The following LYPLAL1 variants were observed in gnomAD, a reference collection of about 807,000 sequenced individuals.
LYPLAL1 encodes lysophospholipase like 1.
A neutral mutation model predicts 19.7 loss-of-function variants in LYPLAL1; 23 were observed. That is an observed-to-expected ratio of 1.17 (90% confidence interval 0.84 to 1.65). The LOEUF is 1.65. Among genes scored for constraint, LYPLAL1 ranks in the 40% most tolerant of loss-of-function variants. LYPLAL1 has a pLI of 0.00. For missense variants in LYPLAL1, 355 were observed against 279.4 expected (o/e 1.27, Z -1.93); for synonymous variants, 119 against 96.3 (o/e 1.24, Z -1.38).
At chr1:219,223,328 A>G in the LYPLAL1 span, 5 of 152,126 alleles carry the variant, frequency 3.3e-5, no homozygotes, top group South Asian at 2.1e-4. Context: ...CCAGTAAACC[A>G]TACAATTTGA....
the LYPLAL1 span, among the ~76,000 whole-genome samples, chr1:219,389,757 T>C: frequency 6.6e-6 from 1 of 152,204 alleles, no homozygotes; most frequent in Non-Finnish European, 1.5e-5. Flanking sequence ...GGCGTGAAAG[T>C]AATTTCGGTT....
the LYPLAL1 span, among the ~76,000 whole-genome samples, chr1:219,285,697 G>A: frequency 3.9e-5 from 6 of 152,292 alleles, no homozygotes; most frequent in South Asian, 2.1e-4. Flanking sequence ...TAGATCAGTC[G>A]TTGCCTTAGG....
the LYPLAL1 span, among the ~76,000 whole-genome samples, chr1:219,251,116 A>G: frequency 6.6e-6 from 1 of 151,698 alleles, no homozygotes; most frequent in Non-Finnish European, 1.5e-5. Flanking sequence ...TCCTTTGCCC[A>G]CTTTTTAATG....
the LYPLAL1 span, among the ~76,000 whole-genome samples, chr1:219,243,051 G>A: frequency 6.6e-6 from 1 of 152,130 alleles, no homozygotes; most frequent in African/African-American, 2.4e-5. Context: ...GGGAGTGCCA[G>A]CCTCTTGGAT....
rs1299966201 is a variant in LYPLAL1, at chr1:219,193,065, G to T, written c.192-17G>T. On this transcript the variant is annotated splice_polypyrimidine_tract_variant and intron_variant, in intron 2 of 4. Coordinates refer to ENST00000366928, the MANE Select transcript of LYPLAL1 (RefSeq NM_138794.5). ...TTTTCCTTTCTTTTTTTTTGGGGGG[G>T]GGCGGTTGTTAAACAGATCATATAC... 4 of 1,516,844 alleles carry T rather than the reference G, an allele frequency of 2.6e-6. No individual in the cohort carries two copies. The highest frequency in any genetic ancestry group is 2.0e-5 in the Admixed American group (1 of 50,780). 94.0% of individuals were successfully genotyped at this position (1,516,844 alleles called of 1,614,324 possible).
At chr1:219,370,280 C>A in the LYPLAL1 span, among the ~76,000 whole-genome samples, 10 of 152,314 alleles carry the variant, frequency 6.6e-5, no homozygotes, top group East Asian at 1.9e-3. Context: ...CTTCTGCTTT[C>A]TCTGTGCCCT....
At chr1:219,336,114 G>A in the LYPLAL1 span, among the ~76,000 whole-genome samples, 1 of 151,346 alleles carries the variant, frequency 6.6e-6, no homozygotes, top group Admixed American at 6.6e-5. Context: ...TCTTGGCACA[G>A]GTGTTACATC....
the LYPLAL1 span, among the ~76,000 whole-genome samples, chr1:219,233,783 G>A: frequency 1.5e-5 from 2 of 137,674 alleles, no homozygotes; most frequent in African/African-American, 5.3e-5. Flanking sequence ...AAAAAAAAAA[G>A]ATGATAAATT....
At chr1:219,217,741 C>T (rs146082079), downstream of LYPLAL1, among the ~76,000 whole-genome samples, 18 of 152,174 alleles carry the variant, frequency 1.2e-4, no homozygotes, top group Non-Finnish European at 1.8e-4. Flanking sequence ...CCTAAGAAAC[C>T]ACTCAACCAT....
chr1:219,222,042 C>G, the LYPLAL1 span, among the ~76,000 whole-genome samples: 2 of 152,116 alleles, frequency 1.3e-5, no homozygotes, highest in Admixed American at 1.3e-4. Context: ...AACAGAGCCA[C>G]AAAAGTTGGA....
chr1:219,197,088 C>T (rs1188437236), intron 3 of LYPLAL1, among the ~76,000 whole-genome samples: 5 of 152,008 alleles, frequency 3.3e-5, no homozygotes, highest in Non-Finnish European at 7.4e-5. Flanking sequence ...AATGCTATGC[C>T]CATTAAACTA....
At chr1:219,382,609 G>T in the LYPLAL1 span, among the ~76,000 whole-genome samples, 1 of 152,000 alleles carries the variant, frequency 6.6e-6, no homozygotes, top group Non-Finnish European at 1.5e-5. Context: ...TGATCCACCA[G>T]CCTTGGCCTC....
At chr1:219,292,691 T>C in the LYPLAL1 span, among the ~76,000 whole-genome samples, 1 of 152,236 alleles carries the variant, frequency 6.6e-6, no homozygotes, top group Non-Finnish European at 1.5e-5. Flanking sequence ...ACACTTTAGA[T>C]GTACTACATA....
In LYPLAL1 at chr1:219,207,985, T is replaced by C. The variant is rs373500297; in HGVS notation, c.362-2547T>C. 3.3e-5 allele frequency among the ~76,000 whole-genome samples: 5 copies of C among 152,150 alleles called. No individual in the cohort carries two copies. In the East Asian group the frequency reaches 7.7e-4, roughly 23 times the overall value. ...CTCTGTGTCTCACTCTTTGCTCAAATCCCATCTCTTCCTCTCTCACATTCT... is the reference window on the plus strand; with the variant it reads ...CTCTGTGTCTCACTCTTTGCTCAAACCCCATCTCTTCCTCTCTCACATTCT... On this transcript the variant is annotated intron_variant, in intron 3 of 4. Coordinates refer to ENST00000366928, the MANE Select transcript of LYPLAL1 (RefSeq NM_138794.5).
intron 1 of LYPLAL1, 101 bp from the exon 2 acceptor site, chr1:219,179,046 C>A (rs1656047735): frequency 1.4e-6 from 1 of 718,576 alleles, no homozygotes; most frequent in East Asian, 2.9e-5. Context: ...TTTTTTAAAT[C>A]CTTTATTCCA....
At chr1:219,399,440 C>T in the LYPLAL1 span, among the ~76,000 whole-genome samples, 1 of 152,186 alleles carries the variant, frequency 6.6e-6, no homozygotes. Flanking sequence ...GGGGGATGGA[C>T]TGCACTCCTG....
chr1:219,254,332 T>TTA, the LYPLAL1 span, among the ~76,000 whole-genome samples: 2,203 of 152,182 alleles, frequency 0.014, 52 homozygotes, highest in African/African-American at 0.049. Flanking sequence ...TGCTGTTAGC[T>TTA]GGTTATTATG....
At chr1:219,300,530 CTTTTT>C in the LYPLAL1 span, among the ~76,000 whole-genome samples, 1 of 82,008 alleles carries the variant, frequency 1.2e-5, no homozygotes. Flanking sequence ...TTTATCCTAA[CTTTTT>C]TTTTTTTTTT....
At chr1:219,183,878 T>A (rs1656501933) in intron 2 of LYPLAL1, among the ~76,000 whole-genome samples, 1 of 151,952 alleles carries the variant, frequency 6.6e-6, no homozygotes, top group South Asian at 2.1e-4. Flanking sequence ...TGAATAATGC[T>A]ACCATAAATA....
Sources: allele counts gnomAD v4.1 joint callset (sites outside exome capture counted in the v4.1 genomes callset), GRCh38; gene constraint gnomAD v4.1.1; transcripts MANE v1.5; gene names NCBI Gene and HGNC (gene_info 2026-07-23, HGNC 2026-07-21).